AZU1: variants seen among roughly 807,000 people sequenced by gnomAD.
The protein encoded by AZU1 is azurocidin 1.
Under a neutral mutation model 17.8 loss-of-function variants are expected in AZU1, and 21 were observed. The observed-to-expected ratio is 1.18, with a 90% CI of 0.84 to 1.70. AZU1 has a LOEUF of 1.70. Ranked by LOEUF, AZU1 falls within the 40% of genes most tolerant of loss-of-function variation. AZU1 has a pLI of 0.00. For synonymous variants in AZU1, 178 were observed against 155.2 expected (o/e 1.15, Z -1.09); for missense variants, 379 against 362.9 (o/e 1.04, Z -0.36).
intron 3 of AZU1, among the ~76,000 whole-genome samples, chr19:830,499 C>T (rs2035273806): frequency 6.6e-6 from 1 of 152,156 alleles, no homozygotes. Context: ...AGTTTGGTCT[C>T]GAACTCCTGG....
At chr19:830,346 C>T (rs529066849) in intron 3 of AZU1, among the ~76,000 whole-genome samples, 31 of 152,254 alleles carry the variant, frequency 2.0e-4, no homozygotes, top group Admixed American at 2.6e-4. Context: ...AGACTGACGT[C>T]GTTTTCAAAT....
Position 829,598 on chromosome 19 carries a change from T to A in AZU1, c.252T>A (p.Tyr84Ter). The change falls in exon 3 of 5, where the codon TAT becomes TAA. Residue 84 changes from tyrosine (Y) to a stop codon, truncating the protein, a stop_gained. Transcript: ENST00000233997. LOFTEE classifies it high-confidence loss of function. ...TTAGCACCGTGGTGCTGGGTGCCTA[T>A]GACCTGAGGCGGCGGGAGAGGCAGT... ...PGVSTVVLGA[Y>*]DLRRRERQSR... The A allele has an allele frequency of 6.2e-7, 1 of 1,613,346 alleles. No individual in the cohort carries two copies. The highest frequency in any genetic ancestry group is 8.5e-7 in the Non-Finnish European group (1 of 1,179,954).
chr19:828,273 G>T lies in AZU1; in HGVS notation c.102G>T (p.Arg34Ser), dbSNP rs541188510. 1.9e-6 allele frequency: 3 copies of T among 1,611,278 alleles called. No individual in the cohort carries two copies. In the East Asian group the frequency reaches 6.7e-5, roughly 36 times the overall value. Residue 34 changes from arginine (R) to serine (S), a missense_variant, in exon 2 of 5, where the codon AGG becomes AGT. Physicochemically the swap from Arg to Ser is moderately radical, Grantham distance 110. Transcript: ENST00000233997. Reference sequence around the variant, plus strand: ...ACATCGTTGGCGGCCGGAAGGCGAGGCCCCGCCAGTTCCCGTTCCTGGCCT... The same window carrying T: ...ACATCGTTGGCGGCCGGAAGGCGAGTCCCCGCCAGTTCCCGTTCCTGGCCT... The part of the protein sequence containing the change: ...LLDIVGGRKA[R>S]PRQFPFLASI...
At chr19:828,076 G>A (rs2035236622) in intron 1 of AZU1, among the ~76,000 whole-genome samples, 154 bp from the exon 2 acceptor site, 1 of 152,256 alleles carries the variant, frequency 6.6e-6, no homozygotes. Context: ...CGGGACTCAG[G>A]GGCCCCCTGT....
chr19:828,233 C>G lies in AZU1; in HGVS notation c.62C>G (p.Ser21Cys), dbSNP rs1263992343. The change falls in exon 2 of 5, where the codon TCC becomes TGC. Residue 21 changes from serine (S) to cysteine (C), a missense_variant. Ser to Cys is a moderately radical substitution (Grantham distance 112, BLOSUM62 -1). Transcript: ENST00000233997. ...GAGCTGTCTCCCCCCGACCCAGGCT[C>G]CAGCCCCCTTTTGGACATCGTTGGC... ...AGLLASSRAG[S>C]SPLLDIVGGR... 1 of 1,604,298 alleles carries G rather than the reference C, an allele frequency of 6.2e-7. No homozygotes were observed. Among genetic ancestry groups the G allele is most frequent in the South Asian group, 1.1e-5 (1 of 90,148 alleles).
chr19:828,484 G>A, intron 2 of AZU1, 98 bp downstream of exon 2: 4 of 1,266,888 alleles, frequency 3.2e-6, no homozygotes, highest in Non-Finnish European at 4.2e-6. Context: ...TAGGTGAGGA[G>A]GGGAGGGGAT....
chr19:831,907 C>A lies in AZU1; in HGVS notation c.*30C>A. On this transcript the variant is annotated 3_prime_UTR_variant, in exon 5 of 5. Coordinates refer to ENST00000233997, the MANE Select transcript of AZU1 (RefSeq NM_001700.5). ...GCCTGTGACCTCCCATGGAGCCCAG[C>A]CCCGCCCTCCACACCTCCGGCGCTC... 2 of 1,595,518 alleles carry A rather than the reference C, an allele frequency of 1.3e-6. No homozygotes were observed. The highest frequency in any genetic ancestry group is 8.6e-7 in the Non-Finnish European group (1 of 1,169,236).
chr19:829,810 C>A, intron 3 of AZU1, 104 bp downstream of exon 3: 2 of 1,443,670 alleles, frequency 1.4e-6, no homozygotes, highest in Non-Finnish European at 1.9e-6. Context: ...AAAAATTAGC[C>A]GGGAGTGGTG....
chr19:828,558 A>C (rs1406226821), intron 2 of AZU1, among the ~76,000 whole-genome samples, 172 bp downstream of exon 2: 1 of 147,732 alleles, frequency 6.8e-6, no homozygotes, highest in African/African-American at 2.5e-5. Context: ...TGAGTTGAGG[A>C]GGGACCCAAG....
Position 830,959 on chromosome 19 carries a change from C to T in AZU1, c.594+18C>T, listed in dbSNP as rs757548506. 4.7e-5 allele frequency: 75 copies of T among 1,594,884 alleles called. No individual in the cohort carries two copies. The highest frequency in any genetic ancestry group is 5.9e-5 in the Non-Finnish European group (70 of 1,176,510). ...TCTGCAATGTGAGTGCTCCCTGTGG[C>T]GGGAGGAGGGGTCCTGAGAGGTACT... On this transcript the variant is annotated intron_variant, in intron 4 of 4. Coordinates refer to ENST00000233997, the MANE Select transcript of AZU1 (RefSeq NM_001700.5).
chr19:829,017 G>C (rs1231393211), intron 2 of AZU1, among the ~76,000 whole-genome samples: 1 of 115,568 alleles, frequency 8.7e-6, no homozygotes, highest in Non-Finnish European at 1.8e-5. Context: ...AAGGGGCTCA[G>C]ATGGAGGAGG....
chr19:829,852 GC>G (rs2035265286), intron 3 of AZU1, 146 bp downstream of exon 3: 3 of 1,238,854 alleles, frequency 2.4e-6, no homozygotes, highest in Non-Finnish European at 3.3e-6. Context: ...GCTTCAGGAG[GC>G]CGAGGCGGAA....
In AZU1 at chr19:830,744, ATACTGC is replaced by A. The variant is rs770090217; in HGVS notation, c.398_403del (p.Ile133_Pro135delinsThr). The A allele has an allele frequency of 6.3e-7, 1 of 1,595,686 alleles. No individual in the cohort carries two copies. The highest frequency in any genetic ancestry group is 2.2e-5 in the East Asian group (1 of 44,784). ...GGCCAACCTCACCAGCAGCGTGACGATACTGCCACTGCCTCTGCAGAACGCCACGGT... is the reference window on the plus strand; with the variant it reads ...GGCCAACCTCACCAGCAGCGTGACGACACTGCCTCTGCAGAACGCCACGGT... On this transcript the variant is annotated inframe_deletion, in exon 4 of 5. Transcript: ENST00000233997.
At chr19:829,751 G>C in intron 3 of AZU1, 45 bp downstream of exon 3, 1 of 1,593,360 alleles carries the variant, frequency 6.3e-7, no homozygotes, top group Non-Finnish European at 8.6e-7. Context: ...TCGGGAGGCC[G>C]ACGTTAGCCA....
At position 831,975 on chromosome 19, in the gene AZU1, C is replaced by CTGTAATAA. The variant is rs2035295700; in HGVS notation, c.*98_*99insTGTAATAA. 2.2e-6 allele frequency: 3 copies of CTGTAATAA among 1,382,770 alleles called. No homozygotes were observed. Among genetic ancestry groups the CTGTAATAA allele is most frequent in the Non-Finnish European group, 3.0e-6 (3 of 1,015,502 alleles). The allele number at this position is 1,382,770 out of a possible 1,614,324, so 85.7% of individuals were successfully genotyped here. A position where few individuals can be genotyped will look rare whatever the true frequency, so the allele number is the denominator to read the frequency against. On this transcript the variant is annotated 3_prime_UTR_variant, in exon 5 of 5. Coordinates refer to ENST00000233997, the MANE Select transcript of AZU1 (RefSeq NM_001700.5). ...GCCCCGCCCCTGCCCCCGCTCCGGC[C>CTGTAATAA]AGAGGGGCCCTGGCTGTAATAAAGA...
chr19:828,094 G>T, intron 1 of AZU1, 136 bp from the exon 2 acceptor site: 1 of 1,332,072 alleles, frequency 7.5e-7, no homozygotes, highest in South Asian at 1.3e-5. Context: ...TGTCCTCTTA[G>T]GGAGTGGGAC....
chr19:831,040 G>A, intron 4 of AZU1, 99 bp downstream of exon 4: 1 of 1,232,884 alleles, frequency 8.1e-7, no homozygotes, highest in Non-Finnish European at 1.1e-6. Context: ...CAGCAGGGGG[G>A]CCCCAGGATT....
rs373430982 is a variant in AZU1, at chr19:828,212, T to A, written c.59-18T>A. 1 of 1,579,952 alleles carries A rather than the reference T, an allele frequency of 6.3e-7. No individual in the cohort carries two copies. Among genetic ancestry groups the A allele is most frequent in the African/African-American group, 1.4e-5 (1 of 73,384 alleles). ...TGTGGATTCTTGGGGATCTCAGAGC[T>A]GTCTCCCCCCGACCCAGGCTCCAGC... On this transcript the variant is annotated intron_variant, in intron 1 of 4. Transcript: ENST00000233997.
At chr19:829,730 A>G (rs752314508) in intron 3 of AZU1, 24 bp downstream of exon 3, 5 of 1,605,792 alleles carry the variant, frequency 3.1e-6, no homozygotes, top group Non-Finnish European at 4.3e-6. Context: ...GCCACCTGTG[A>G]TCCCAGCACC....
Sources: gnomAD v4.1 joint callset for allele counts (sites outside exome capture counted in the v4.1 genomes callset) on GRCh38, gnomAD v4.1.1 for gene constraint, MANE v1.5 for transcripts, NCBI Gene and HGNC (gene_info 2026-07-23, HGNC 2026-07-21) for gene names.